CDH12: variants seen among roughly 807,000 people sequenced by gnomAD.
CDH12 encodes cadherin 12.
CDH12 carries 41 observed loss-of-function variants against 74.1 expected under a neutral mutation model. That is an observed-to-expected ratio of 0.55 (90% CI 0.43 to 0.72). CDH12 has a LOEUF of 0.72. CDH12 is among the 30% of genes least tolerant of loss of function. The probability of loss-of-function intolerance (pLI) is 0.00; values close to 1 mark genes in which losing one functional copy is unlikely to be tolerated. For missense variants in CDH12, 945 were observed against 977.2 expected, an observed-to-expected ratio of 0.97 and a Z score of 0.44; for synonymous variants, 399 against 355.0, an observed-to-expected ratio of 1.12 and a Z score of -1.39.
chr5:21,783,436 C>CT lies in CDH12; in HGVS notation c.1314dup (p.Gly439ArgfsTer6), dbSNP rs1428137167. 6.2e-7 allele frequency: 1 copy of CT among 1,605,820 alleles called. No individual in the cohort carries two copies. Among genetic ancestry groups the CT allele is most frequent in the Admixed American group, 1.7e-5 (1 of 59,994 alleles). ...AGTAATTCATTAGTGGCGATGGTTC[C>CT]TTCATTTCCATCTATTGTAAAGTAG... On this transcript the variant is annotated frameshift_variant, in exon 11 of 15. Transcript: ENST00000382254. LOFTEE classifies it high-confidence loss of function.
chr5:22,160,556 C>T (rs1748281314), intron 4 of CDH12, among the ~76,000 whole-genome samples: 1 of 152,120 alleles, frequency 6.6e-6, no homozygotes, highest in Admixed American at 6.6e-5. Context: ...ATTCAGGCTG[C>T]TATAACTAAA....
chr5:22,736,645 C>T (rs1271326639), intron 1 of CDH12, among the ~76,000 whole-genome samples: 1 of 151,424 alleles, frequency 6.6e-6, no homozygotes, highest in African/African-American at 2.4e-5. Context: ...ATAGTTTAGT[C>T]AGCATTTTCA....
intron 5 of CDH12, among the ~76,000 whole-genome samples, chr5:22,072,723 C>A (rs989564137): frequency 6.6e-6 from 1 of 151,976 alleles, no homozygotes; most frequent in Non-Finnish European, 1.5e-5. Flanking sequence ...TCCCTCCCCC[C>A]TCTCCCCACC....
chr5:22,729,659 G>C (rs1386193825), intron 1 of CDH12, among the ~76,000 whole-genome samples: 1 of 151,842 alleles, frequency 6.6e-6, no homozygotes. Context: ...TGAAGCATTA[G>C]ACTGAATACT....
chr5:22,725,499 A>G (rs1399058570), intron 1 of CDH12, among the ~76,000 whole-genome samples: 1 of 151,772 alleles, frequency 6.6e-6, no homozygotes, highest in Non-Finnish European at 1.5e-5. Flanking sequence ...GTCTTAGCCT[A>G]TTTGGGCTGC....
intron 1 of CDH12, among the ~76,000 whole-genome samples, chr5:22,687,588 A>T (rs989604906): frequency 6.6e-5 from 10 of 151,714 alleles, no homozygotes; most frequent in Admixed American, 2.6e-4. Flanking sequence ...TATATTTTAA[A>T]TTTTTTTGTA....
At chr5:22,365,706 A>G (rs1740999554) in intron 3 of CDH12, among the ~76,000 whole-genome samples, 1 of 152,076 alleles carries the variant, frequency 6.6e-6, no homozygotes, top group Non-Finnish European at 1.5e-5. Context: ...AAACTCAACA[A>G]CTCTTTGTAG....
intron 1 of CDH12, among the ~76,000 whole-genome samples, chr5:22,596,735 C>T (rs1736625248): frequency 6.6e-6 from 1 of 152,190 alleles, no homozygotes. Flanking sequence ...TACTAATTTA[C>T]AGGCTTCTGT....
At chr5:22,518,998 T>A (rs1404695167) in intron 1 of CDH12, among the ~76,000 whole-genome samples, 1 of 152,060 alleles carries the variant, frequency 6.6e-6, no homozygotes, top group Non-Finnish European at 1.5e-5. Flanking sequence ...CTGGTACCAG[T>A]GTCCAGGGAA....
chr5:22,745,896 T>C (rs1330955082), intron 1 of CDH12, among the ~76,000 whole-genome samples: 2 of 152,066 alleles, frequency 1.3e-5, no homozygotes, highest in Non-Finnish European at 2.9e-5. Flanking sequence ...GGCCTGCACG[T>C]GTACCCCAGA....
At chr5:22,448,867 T>G (rs558002419) in intron 2 of CDH12, among the ~76,000 whole-genome samples, 1 of 151,984 alleles carries the variant, frequency 6.6e-6, no homozygotes, top group Admixed American at 6.6e-5. Flanking sequence ...AAATAATGTA[T>G]AGAAAAATGC....
chr5:22,103,621 C>G, intron 4 of CDH12, among the ~76,000 whole-genome samples: 1 of 152,134 alleles, frequency 6.6e-6, no homozygotes, highest in East Asian at 1.9e-4. Context: ...CTAATAAAAT[C>G]CAGAAACTAT....
intron 3 of CDH12, among the ~76,000 whole-genome samples, chr5:22,281,850 C>T (rs1329636266): frequency 6.6e-6 from 1 of 152,150 alleles, no homozygotes; most frequent in African/African-American, 2.4e-5. Context: ...CATTGACTTT[C>T]TTCACAGAAT....
rs1190522250 is a variant in CDH12 at position 22,242,063 on chromosome 5, A to G, written c.-332-29420T>C. On this transcript the variant is annotated intron_variant, in intron 3 of 14. Coordinates refer to ENST00000382254, the MANE Select transcript of CDH12 (RefSeq NM_004061.5). ...ATTCTAAACTGTTAATAATCTATAAAAGTAACAACACTGACCTTCATTCTA... is the reference window on the plus strand; with the variant it reads ...ATTCTAAACTGTTAATAATCTATAAGAGTAACAACACTGACCTTCATTCTA... Among the ~76,000 whole-genome samples, 4 of 152,242 alleles carry G rather than the reference A, an allele frequency of 2.6e-5. 1 individual carries two copies. The highest frequency in any genetic ancestry group is 2.4e-5 in the African/African-American group (1 of 41,574).
At chr5:22,240,068 T>C (rs1044125632) in intron 3 of CDH12, among the ~76,000 whole-genome samples, 2 of 152,194 alleles carry the variant, frequency 1.3e-5, no homozygotes, top group Non-Finnish European at 2.9e-5. Flanking sequence ...TAGATAGTTA[T>C]ATGTGCATTT....
chr5:22,710,370 C>CA (rs1380618978), intron 1 of CDH12, among the ~76,000 whole-genome samples: 2 of 152,010 alleles, frequency 1.3e-5, no homozygotes. Context: ...TGGAATTGTC[C>CA]ACTACATGTG....
intron 1 of CDH12, among the ~76,000 whole-genome samples, chr5:22,516,691 A>C (rs776365295): frequency 5.9e-5 from 9 of 152,114 alleles, no homozygotes; most frequent in Non-Finnish European, 1.0e-4. Flanking sequence ...GCTACTAGCG[A>C]GACTGGAGTG....
At chr5:22,584,829 T>G (rs893343209) in intron 1 of CDH12, among the ~76,000 whole-genome samples, 1 of 152,172 alleles carries the variant, frequency 6.6e-6, no homozygotes, top group Non-Finnish European at 1.5e-5. Context: ...GCTTACTGTG[T>G]TCATCGTCAT....
chr5:22,751,935 A>G (rs985139766), intron 1 of CDH12, among the ~76,000 whole-genome samples: 5 of 148,826 alleles, frequency 3.4e-5, no homozygotes, highest in Non-Finnish European at 7.4e-5. Flanking sequence ...TTCTCAGAGT[A>G]TAGCCAGCAG....
Sources: allele counts gnomAD v4.1 joint callset (sites outside exome capture counted in the v4.1 genomes callset), GRCh38; gene constraint gnomAD v4.1.1; transcripts MANE v1.5; gene names NCBI Gene and HGNC (gene_info 2026-07-23, HGNC 2026-07-21).